Variants in FKBP1B observed in about 807,000 individuals in gnomAD.
FKBP1B encodes the protein peptidyl-prolyl cis-trans isomerase FKBP1B.
Under a neutral mutation model 13.5 loss-of-function variants are expected in FKBP1B, and 4 were observed. That is an observed-to-expected ratio of 0.30 (90% CI 0.15 to 0.68). The LOEUF (loss-of-function observed/expected upper bound fraction) is 0.68, where lower values mean the gene tolerates loss of function less well. Among genes scored for constraint, FKBP1B ranks in the 30% least tolerant of loss-of-function variants. The probability of loss-of-function intolerance (pLI) is 0.76; values close to 1 mark genes in which losing one functional copy is unlikely to be tolerated. For synonymous variants in FKBP1B, 54 were observed against 53.6 expected, an observed-to-expected ratio of 1.01 and a Z score of -0.03; for missense variants, 93 against 136.2, an observed-to-expected ratio of 0.68 and a Z score of 1.58.
upstream of FKBP1B, among the ~76,000 whole-genome samples, chr2:24,045,051 C>A (rs1248734298): frequency 6.6e-6 from 1 of 152,080 alleles, no homozygotes; most frequent in Non-Finnish European, 1.5e-5. Context: ...ATTCAAGTAA[C>A]AATATGCAGA....
chr2:24,036,578 C>T, the FKBP1B span, among the ~76,000 whole-genome samples: 1 of 152,186 alleles, frequency 6.6e-6, no homozygotes, highest in Non-Finnish European at 1.5e-5. Flanking sequence ...ATTTCTACTT[C>T]TGGGAACCAA....
chr2:24,041,021 A>G, the FKBP1B span, among the ~76,000 whole-genome samples: 1 of 151,776 alleles, frequency 6.6e-6, no homozygotes, highest in Non-Finnish European at 1.5e-5. Context: ...CACCTCAAAA[A>G]AGAAACAACA....
chr2:24,046,664 G>T (rs543430537), upstream of FKBP1B, among the ~76,000 whole-genome samples: 23 of 152,178 alleles, frequency 1.5e-4, no homozygotes, highest in African/African-American at 5.3e-4. Flanking sequence ...CAAGTTTATT[G>T]TATTTCCACT....
chr2:24,052,078 C>G (rs1054612908), intron 1 of FKBP1B, among the ~76,000 whole-genome samples: 18 of 152,214 alleles, frequency 1.2e-4, no homozygotes, highest in African/African-American at 4.3e-4. Flanking sequence ...CTCCTTTGTC[C>G]TCATCCTGGA....
At chr2:24,034,017 G>A in the FKBP1B span, among the ~76,000 whole-genome samples, 10 of 152,192 alleles carry the variant, frequency 6.6e-5, no homozygotes, top group African/African-American at 2.2e-4. Flanking sequence ...TTTATTTCAC[G>A]TCTTATGAAA....
At chr2:24,048,782 G>T (rs185155400), upstream of FKBP1B, among the ~76,000 whole-genome samples, 14 of 152,218 alleles carry the variant, frequency 9.2e-5, no homozygotes, top group Admixed American at 3.9e-4. Flanking sequence ...ACTCAAAGTA[G>T]AATTCATTTA....
At chr2:24,060,400 A>C (rs898986942) in intron 2 of FKBP1B, among the ~76,000 whole-genome samples, 1 of 152,114 alleles carries the variant, frequency 6.6e-6, no homozygotes, top group Admixed American at 6.6e-5. Flanking sequence ...AAAAATACAA[A>C]AATCAGCTGA....
the FKBP1B span, among the ~76,000 whole-genome samples, chr2:24,036,548 C>T: frequency 6.8e-3 from 1,040 of 152,294 alleles, 2 homozygotes; most frequent in Non-Finnish European, 9.7e-3. Context: ...AGTAGAAACA[C>T]ATATACTCTT....
At chr2:24,054,090 T>C (rs1415943569) in intron 2 of FKBP1B, 141 bp downstream of exon 2, 2 of 779,800 alleles carry the variant, frequency 2.6e-6, no homozygotes. Flanking sequence ...CCAGCCATCC[T>C]CTACTCCTCC....
chr2:24,043,926 G>T, the FKBP1B span, among the ~76,000 whole-genome samples: 1 of 151,580 alleles, frequency 6.6e-6, no homozygotes, highest in Non-Finnish European at 1.5e-5. Flanking sequence ...TATATATGAT[G>T]TCAGATTCAG....
At chr2:24,047,051 T>C (rs965423344), upstream of FKBP1B, among the ~76,000 whole-genome samples, 3 of 152,174 alleles carry the variant, frequency 2.0e-5, no homozygotes, top group East Asian at 5.8e-4. Context: ...AAGCATTTCC[T>C]GACTTTGGAT....
At chr2:24,047,600 C>G (rs946650341), upstream of FKBP1B, among the ~76,000 whole-genome samples, 1 of 152,104 alleles carries the variant, frequency 6.6e-6, no homozygotes, top group African/African-American at 2.4e-5. Flanking sequence ...GTGGTAGTCC[C>G]CGTAAAACCA....
upstream of FKBP1B, among the ~76,000 whole-genome samples, chr2:24,048,790 T>G (rs1663717268): frequency 6.6e-6 from 1 of 152,154 alleles, no homozygotes; most frequent in African/African-American, 2.4e-5. Flanking sequence ...TAGAATTCAT[T>G]TACATATTCA....
intron 1 of FKBP1B, 31 bp from the exon 2 acceptor site, chr2:24,053,871 C>T: frequency 3.1e-6 from 5 of 1,610,516 alleles, no homozygotes; most frequent in Non-Finnish European, 4.2e-6. Flanking sequence ...CAATATCCTA[C>T]TCCTTCATCT....
At chr2:24,048,764 G>A (rs896315293), upstream of FKBP1B, among the ~76,000 whole-genome samples, 4 of 152,012 alleles carry the variant, frequency 2.6e-5, no homozygotes, top group African/African-American at 9.7e-5. Context: ...TTTTTTGGTG[G>A]AGGAGGAACT....
the FKBP1B span, among the ~76,000 whole-genome samples, chr2:24,043,987 T>C: frequency 2.0e-5 from 3 of 152,204 alleles, no homozygotes; most frequent in Non-Finnish European, 2.9e-5. Flanking sequence ...TCATTACTAA[T>C]GAAGAAAACT....
At chr2:24,046,459 G>C (rs886231713), upstream of FKBP1B, among the ~76,000 whole-genome samples, 1 of 152,110 alleles carries the variant, frequency 6.6e-6, no homozygotes, top group African/African-American at 2.4e-5. Flanking sequence ...GTTTTAGGAG[G>C]GAAAAGACCA....
chr2:24,062,093 G>A (rs901495338), intron 3 of FKBP1B, among the ~76,000 whole-genome samples: 1 of 151,992 alleles, frequency 6.6e-6, no homozygotes, highest in Non-Finnish European at 1.5e-5. Context: ...AGATGGTCTC[G>A]GTCTCCTGAC....
At chr2:24,049,057 A>G (rs1268673047), upstream of FKBP1B, among the ~76,000 whole-genome samples, 1 of 152,120 alleles carries the variant, frequency 6.6e-6, no homozygotes, top group Non-Finnish European at 1.5e-5. Context: ...CTCTGCTCCT[A>G]CAGATCCAGG....
Sources: gnomAD v4.1 joint callset for allele counts (sites outside exome capture counted in the v4.1 genomes callset) on GRCh38, gnomAD v4.1.1 for gene constraint, MANE v1.5 for transcripts, NCBI Gene and HGNC (gene_info 2026-07-23, HGNC 2026-07-21) for gene names.